The following UGT1A5 variants were observed in gnomAD, a reference collection of about 807,000 sequenced individuals.
UGT1A5 encodes UDP-glucuronosyltransferase 1A5.
A neutral mutation model predicts 40.3 loss-of-function variants in UGT1A5; 29 were observed. The ratio of observed to expected loss-of-function variants is 0.72; its 90% CI spans 0.54 to 0.98. The LOEUF is 0.98. UGT1A5 is among the 50% of genes least tolerant of loss of function. The probability of loss-of-function intolerance (pLI) is 0.00; values close to 1 mark genes in which losing one functional copy is unlikely to be tolerated. For missense variants in UGT1A5, 678 were observed against 677.9 expected (o/e 1.00, Z 0.00); for synonymous variants, 257 against 262.5 (o/e 0.98, Z 0.20).
chr2:233,739,980 C>T (rs1169628941), intron 1 of UGT1A5, among the ~76,000 whole-genome samples: 1 of 151,792 alleles, frequency 6.6e-6, no homozygotes, highest in Non-Finnish European at 1.5e-5. Flanking sequence ...GGCAGTTTTC[C>T]CCATGCTGTT....
chr2:233,724,376 G>T (rs1373227000), intron 1 of UGT1A5, among the ~76,000 whole-genome samples: 1 of 128,002 alleles, frequency 7.8e-6, no homozygotes, highest in African/African-American at 3.0e-5. Context: ...GGTGGCTGCC[G>T]GGCGGAGACG....
Position 233,713,172 on chromosome 2 carries a change from C to T in UGT1A5, c.181C>T (p.Leu61Phe), listed in dbSNP as rs1256255706. 2 of 1,614,090 alleles carry T rather than the reference C, an allele frequency of 1.2e-6. No individual in the cohort carries two copies. The highest frequency in any genetic ancestry group is 1.7e-5 in the Admixed American group (1 of 60,016). The stretch of plus-strand genomic sequence containing the variant: ...TGCGAGAGGCCACCAGGTGGTGGTC[C>T]TCACCCTGGAGGTGAATATGTACAT... ...LHARGHQVVV[L>F]TLEVNMYIKE... Residue 61 changes from leucine to phenylalanine, a missense_variant, in exon 1 of 5, where the codon CTC (leucine) becomes TTC (phenylalanine). By Grantham distance (22) the Leu-to-Phe change is conservative. Transcript: ENST00000373414.
intron 1 of UGT1A5, among the ~76,000 whole-genome samples, chr2:233,728,801 G>A (rs1420338275): frequency 4.1e-4 from 62 of 152,222 alleles, no homozygotes; most frequent in Admixed American, 4.1e-3. Context: ...CAGAGAAGTA[G>A]GAGACAGTGA....
intron 1 of UGT1A5, chr2:233,743,967 C>A (rs1487193750): frequency 1.5e-6 from 2 of 1,326,686 alleles, no homozygotes; most frequent in African/African-American, 1.5e-5. Flanking sequence ...AGCGGCAAGG[C>A]TGCCAGCACC....
At chr2:233,755,813 A>T (rs1317393692) in intron 1 of UGT1A5, 3 of 152,236 alleles carry the variant, frequency 2.0e-5, no homozygotes, top group African/African-American at 7.2e-5. Context: ...TTAAAACAGA[A>T]TTAAAAAGAC....
At chr2:233,721,840 G>A in intron 1 of UGT1A5, 1 of 515,588 alleles carries the variant, frequency 1.9e-6, no homozygotes, top group Non-Finnish European at 3.9e-6. Flanking sequence ...CCGACCTTGT[G>A]TCCAGCCCCA....
intron 1 of UGT1A5, chr2:233,719,281 T>A (rs773168968): frequency 6.2e-7 from 1 of 1,614,134 alleles, no homozygotes; most frequent in Admixed American, 1.7e-5. Flanking sequence ...ACAGACCCCG[T>A]TAACCTCTGT....
Position 233,739,198 on chromosome 2 carries a change from G to A in UGT1A5, c.867+25340G>A, listed in dbSNP as rs555664061. On this transcript the variant is annotated intron_variant, in intron 1 of 4. Coordinates refer to ENST00000373414, the MANE Select transcript of UGT1A5 (RefSeq NM_019078.2). ...GAAATGCTTGGATGTCCAGGCAGAC[G>A]TTTGCTGCATGGATAGAGTCCTTAT... 7.2e-5 allele frequency: 11 copies of A among 152,362 alleles called. No individual in the cohort carries two copies. The East Asian group carries it at 9.6e-4, about 13-fold the overall frequency. 9.4% of individuals were successfully genotyped at this position (152,362 alleles called of 1,614,324 possible).
At chr2:233,719,060 T>C in intron 1 of UGT1A5, 1 of 1,614,258 alleles carries the variant, frequency 6.2e-7, no homozygotes, top group East Asian at 2.2e-5. Flanking sequence ...TGACAGCCTA[T>C]GCTGTTCCAT....
At chr2:233,724,348 C>T (rs1263010840) in intron 1 of UGT1A5, among the ~76,000 whole-genome samples, 5 of 144,562 alleles carry the variant, frequency 3.5e-5, no homozygotes, top group Non-Finnish European at 7.6e-5. Flanking sequence ...TGACCCCCCC[C>T]ACCTCCCTCC....
At position 233,719,232 on chromosome 2, in the gene UGT1A5, A is replaced by G. The variant is rs1490347566; in HGVS notation, c.867+5374A>G. 6 of 1,614,104 alleles carry G rather than the reference A, an allele frequency of 3.7e-6. No individual in the cohort carries two copies. In the African/African-American group the frequency reaches 8.0e-5, roughly 22 times the overall value. On this transcript the variant is annotated intron_variant, in intron 1 of 4. Coordinates refer to ENST00000373414, the MANE Select transcript of UGT1A5 (RefSeq NM_019078.2). The stretch of plus-strand genomic sequence containing the variant: ...GGAGCTACTGCATAATGAGGCCCTG[A>G]TCAGGCACCTGAATGCTACTTCCTT...
chr2:233,716,057 A>G (rs1298941606), intron 1 of UGT1A5, among the ~76,000 whole-genome samples: 1 of 152,210 alleles, frequency 6.6e-6, no homozygotes, highest in Admixed American at 6.5e-5. Flanking sequence ...GTCCATTCTT[A>G]GTTGTATTCT....
chr2:233,772,325 C>T lies in UGT1A5; in HGVS notation c.1371C>T (p.Asp457=), dbSNP rs773957041. ...AGGACCGCCCGGTGGAGCCGCTGGA[C>T]CTGGCCGTGTTCTGGGTGGAGTTTG... is the stretch of plus-strand genomic sequence containing the variant. ...LHKDRPVEPL[D]LAVFWVEFVM... The change falls in exon 5 of 5, where the codon GAC becomes GAT. Residue 457 remains aspartate, a synonymous_variant. Coordinates refer to ENST00000373414, the MANE Select transcript of UGT1A5 (RefSeq NM_019078.2). 3.1e-6 allele frequency: 5 copies of T among 1,614,018 alleles called. No homozygotes were observed. In the African/African-American group the frequency reaches 4.0e-5, roughly 13 times the overall value.
chr2:233,724,330 CG>C (rs1206363001), intron 1 of UGT1A5, among the ~76,000 whole-genome samples: 3 of 121,984 alleles, frequency 2.5e-5, no homozygotes, highest in Non-Finnish European at 3.5e-5. Context: ...GCTGGCCAGG[CG>C]GGGGGCTGAC....
Position 233,747,399 on chromosome 2 carries a change from C to A in UGT1A5, c.868-19635C>A, listed in dbSNP as rs554943916. Reference sequence around the variant, plus strand: ...AGGCCACCAGGCGGTGGTCCTCACCCCAGAGGTGAATATGCACATCAAACA... The same window carrying A: ...AGGCCACCAGGCGGTGGTCCTCACCACAGAGGTGAATATGCACATCAAACA... On this transcript the variant is annotated intron_variant, in intron 1 of 4. Transcript: ENST00000373414. 2.5e-6 allele frequency: 4 copies of A among 1,606,666 alleles called. No individual in the cohort carries two copies. The East Asian group carries it at 8.9e-5, about 36-fold the overall frequency.
chr2:233,747,367 A>T (rs752238909), intron 1 of UGT1A5: 40 of 1,604,286 alleles, frequency 2.5e-5, no homozygotes, highest in Non-Finnish European at 3.4e-5. Context: ...CGGGAGCTCC[A>T]TGCCAGAGGC....
At chr2:233,753,147 TA>T (rs1254691339) in intron 1 of UGT1A5, 35 of 152,236 alleles carry the variant, frequency 2.3e-4, no homozygotes, top group African/African-American at 7.5e-4. Context: ...TTCACACATG[TA>T]AGTTCCCTTA....
chr2:233,767,898 C>A lies in UGT1A5; in HGVS notation c.1049C>A (p.Thr350Lys), dbSNP rs776227074. ...CGACCATCGAATCTTGCGAACAACA[C>A]GATACTTGTTAAGTGGCTACCCCAA... Reference protein sequence around the residue: ...GTRPSNLANNTILVKWLPQND... With the variant: ...GTRPSNLANNKILVKWLPQND... The change falls in exon 3 of 5, where the codon ACG becomes AAG. Residue 350 changes from threonine to lysine, a missense_variant. Thr to Lys is a moderately conservative substitution (Grantham distance 78, BLOSUM62 -1). Coordinates refer to ENST00000373414, the MANE Select transcript of UGT1A5 (RefSeq NM_019078.2). The A allele has an allele frequency of 1.2e-6, 2 of 1,614,152 alleles. No individual in the cohort carries two copies. Among genetic ancestry groups the A allele is most frequent in the Non-Finnish European group, 1.7e-6 (2 of 1,180,048 alleles).
intron 1 of UGT1A5, among the ~76,000 whole-genome samples, chr2:233,726,159 C>T (rs986768021): frequency 9.2e-5 from 14 of 152,064 alleles, no homozygotes; most frequent in African/African-American, 3.4e-4. Flanking sequence ...GAGTGAGGCC[C>T]CATTTCAAAA....
Sources: allele counts gnomAD v4.1 joint callset (sites outside exome capture counted in the v4.1 genomes callset), GRCh38; gene constraint gnomAD v4.1.1; transcripts MANE v1.5; gene names NCBI Gene and HGNC (gene_info 2026-07-23, HGNC 2026-07-21).